CLNK: variants seen among roughly 807,000 people sequenced by gnomAD.
The protein encoded by CLNK is cytokine dependent hematopoietic cell linker.
Under a neutral mutation model 68.6 loss-of-function variants are expected in CLNK, and 74 were observed. The ratio of observed to expected loss-of-function variants is 1.08; its 90% CI spans 0.89 to 1.31. The LOEUF (loss-of-function observed/expected upper bound fraction) is 1.31. Ranked by LOEUF, CLNK falls within the 50% of genes most tolerant of loss-of-function variation. CLNK has a pLI of 0.00. For synonymous variants in CLNK, 198 were observed against 172.2 expected, an observed-to-expected ratio of 1.15 and a Z score of -1.17; for missense variants, 553 against 515.3, an observed-to-expected ratio of 1.07 and a Z score of -0.71.
intron 15 of CLNK, among the ~76,000 whole-genome samples, chr4:10,518,347 A>C (rs545175655): frequency 1.3e-5 from 2 of 152,214 alleles, no homozygotes; most frequent in African/African-American, 4.8e-5. Flanking sequence ...ACAGTTCTAG[A>C]CCTCCCTGTT....
the CLNK span, chr4:10,697,219 C>G: frequency 6.6e-6 from 1 of 152,172 alleles, no homozygotes; most frequent in Non-Finnish European, 1.5e-5. Context: ...CATGGAGATT[C>G]AAGGCAGCAA....
intron 8 of CLNK, among the ~76,000 whole-genome samples, chr4:10,549,115 G>A (rs1719347120): frequency 1.3e-5 from 2 of 152,060 alleles, no homozygotes; most frequent in South Asian, 4.1e-4. Context: ...AGATTTTTGT[G>A]TAGTATAATA....
chr4:10,592,245 A>T (rs1721205618), intron 3 of CLNK, among the ~76,000 whole-genome samples: 1 of 152,260 alleles, frequency 6.6e-6, no homozygotes, highest in Non-Finnish European at 1.5e-5. Flanking sequence ...AAACATGTCT[A>T]TATAAGCTAT....
chr4:10,724,532 GTTCT>G, the CLNK span, among the ~76,000 whole-genome samples: 2 of 151,596 alleles, frequency 1.3e-5, no homozygotes, highest in Non-Finnish European at 2.9e-5. Flanking sequence ...AGGGCAGAAA[GTTCT>G]TTCTGTTTTG....
intron 2 of CLNK, among the ~76,000 whole-genome samples, chr4:10,602,510 C>T (rs563525063): frequency 2.0e-5 from 3 of 152,092 alleles, no homozygotes; most frequent in Admixed American, 2.0e-4. Context: ...GATGTTGTCA[C>T]AAATCAAGGA....
At position 10,494,259 on chromosome 4, in the gene CLNK, A is replaced by T. The variant is rs1263411641; in HGVS notation, c.1141-3646T>A. On this transcript the variant is annotated intron_variant, in intron 18 of 18. Transcript: ENST00000226951. The stretch of plus-strand genomic sequence containing the variant: ...GTTAAATCCACATCACAAAAAAGGA[A>T]ATCTTTCCTAGTTTCAGTCTTCAGA... Among the ~76,000 whole-genome samples the T allele has an allele frequency of 2.0e-5, 3 of 152,214 alleles. No homozygotes were observed. The East Asian group carries it at 5.8e-4, about 29-fold the overall frequency.
chr4:10,490,295 G>T lies in CLNK; in HGVS notation c.*172C>A. 2.0e-6 allele frequency: 1 copy of T among 511,234 alleles called. No individual in the cohort carries two copies. Among genetic ancestry groups the T allele is most frequent in the Non-Finnish European group, 3.3e-6 (1 of 307,150 alleles). The allele number at this position is 511,234 out of a possible 1,614,324, so 31.7% of individuals were successfully genotyped here. A position where few individuals can be genotyped will look rare whatever the true frequency, so the allele number is the denominator to read the frequency against. ...TGCATGTTATAAATATTTTCTCTGT[G>T]GTTTGAACTTTCAAAACCGTGAGTG... is the stretch of plus-strand genomic sequence containing the variant. On this transcript the variant is annotated 3_prime_UTR_variant, in exon 19 of 19. Coordinates refer to ENST00000226951, the MANE Select transcript of CLNK (RefSeq NM_052964.4).
rs938137141 is a variant in CLNK at position 10,505,091 on chromosome 4, C to T, written c.984+2868G>A. On this transcript the variant is annotated intron_variant, in intron 17 of 18. Coordinates refer to ENST00000226951, the MANE Select transcript of CLNK (RefSeq NM_052964.4). ...AGTAGTTCTTCCGACGGAAAACAGGCTCTGTGAGTGCAATGGTGTACTGGG... is the reference window on the plus strand; with the variant it reads ...AGTAGTTCTTCCGACGGAAAACAGGTTCTGTGAGTGCAATGGTGTACTGGG... Among the ~76,000 whole-genome samples the T allele has an allele frequency of 2.0e-5, 3 of 152,284 alleles. No homozygotes were observed. The East Asian group carries it at 5.8e-4, about 29-fold the overall frequency.
chr4:10,624,482 C>T (rs1036260178), intron 2 of CLNK, among the ~76,000 whole-genome samples: 1 of 151,878 alleles, frequency 6.6e-6, no homozygotes, highest in African/African-American at 2.4e-5. Flanking sequence ...TTAATAGAGA[C>T]GGGGTTTCAC....
intron 8 of CLNK, among the ~76,000 whole-genome samples, chr4:10,550,325 C>G (rs1390098970): frequency 6.6e-6 from 1 of 152,228 alleles, no homozygotes; most frequent in African/African-American, 2.4e-5. Flanking sequence ...AACCCTGTCT[C>G]TACTAAAAAA....
At chr4:10,553,919 T>G (rs999875252) in intron 8 of CLNK, among the ~76,000 whole-genome samples, 1 of 152,202 alleles carries the variant, frequency 6.6e-6, no homozygotes, top group Non-Finnish European at 1.5e-5. Flanking sequence ...AGTAAAGAGC[T>G]GGGGCTGCTT....
the CLNK span, among the ~76,000 whole-genome samples, chr4:10,690,265 T>C: frequency 1.1e-4 from 16 of 152,066 alleles, no homozygotes; most frequent in Non-Finnish European, 2.4e-4. Context: ...GACTAAACCA[T>C]CCCACAGGAC....
intron 1 of CLNK, among the ~76,000 whole-genome samples, chr4:10,669,860 G>T (rs1209619410): frequency 6.6e-6 from 1 of 152,164 alleles, no homozygotes; most frequent in Non-Finnish European, 1.5e-5. Context: ...GCAGTGTGTA[G>T]AGTGTCTAGT....
chr4:10,718,548 A>G, the CLNK span, among the ~76,000 whole-genome samples: 15 of 152,184 alleles, frequency 9.9e-5, no homozygotes, highest in South Asian at 6.2e-4. Context: ...ATCTAGTAAA[A>G]TATCTTTCAG....
chr4:10,607,049 G>T (rs753960883), intron 2 of CLNK, among the ~76,000 whole-genome samples: 32 of 152,128 alleles, frequency 2.1e-4, no homozygotes, highest in Non-Finnish European at 4.3e-4. Context: ...TAGCCATTTG[G>T]GTCCTATAGT....
chr4:10,602,894 C>A (rs1039452732), intron 2 of CLNK, among the ~76,000 whole-genome samples: 1 of 152,176 alleles, frequency 6.6e-6, no homozygotes, highest in African/African-American at 2.4e-5. Flanking sequence ...TAGGTGGTGA[C>A]AACCAGTGAG....
chr4:10,713,814 C>G, the CLNK span, among the ~76,000 whole-genome samples: 1 of 152,158 alleles, frequency 6.6e-6, no homozygotes, highest in Non-Finnish European at 1.5e-5. Flanking sequence ...CAGATGCCAG[C>G]ACCATGCTTC....
intron 8 of CLNK, among the ~76,000 whole-genome samples, chr4:10,547,597 T>C (rs1002008520): frequency 2.0e-5 from 3 of 152,164 alleles, no homozygotes; most frequent in African/African-American, 7.2e-5. Context: ...CAGAATTTAT[T>C]TGTGCACCAT....
intron 11 of CLNK, among the ~76,000 whole-genome samples, chr4:10,538,688 A>G (rs1718898185): frequency 6.6e-6 from 1 of 152,202 alleles, no homozygotes. Flanking sequence ...GCAGAAGGAA[A>G]TTTATATTTA....
Sources: gnomAD v4.1 joint callset for allele counts (sites outside exome capture counted in the v4.1 genomes callset) on GRCh38, gnomAD v4.1.1 for gene constraint, MANE v1.5 for transcripts, NCBI Gene and HGNC (gene_info 2026-07-23, HGNC 2026-07-21) for gene names.